The following FAM47E variants were observed in gnomAD, a reference collection of about 807,000 sequenced individuals.
The protein encoded by FAM47E is family with sequence similarity 47 member E, also known as protein FAM47E.
In FAM47E, 32 loss-of-function variants were observed where a neutral mutation model predicts 41.6. The observed-to-expected ratio is 0.77, with a 90% CI of 0.58 to 1.03. The LOEUF (loss-of-function observed/expected upper bound fraction) is 1.03, where lower values mean the gene tolerates loss of function less well. Ranked by LOEUF, FAM47E falls within the 50% of genes least tolerant of loss-of-function variation. The probability of loss-of-function intolerance (pLI) is 0.00; values close to 1 mark genes in which losing one functional copy is unlikely to be tolerated. For synonymous variants in FAM47E, 184 were observed against 188.7 expected (o/e 0.98, Z 0.20); for missense variants, 424 against 485.4 (o/e 0.87, Z 1.19).
chr4:76,263,615 A>G, intron 2 of FAM47E, 89 bp from the exon 3 acceptor site: 1 of 1,470,630 alleles, frequency 6.8e-7, no homozygotes. Flanking sequence ...AGGAAAAGTG[A>G]AGGGCAAGTT....
intron 2 of FAM47E, among the ~76,000 whole-genome samples, chr4:76,239,582 TTTG>T (rs1578760144): frequency 6.6e-6 from 1 of 152,182 alleles, no homozygotes; most frequent in East Asian, 1.9e-4. Context: ...CATGTTGTTT[TTTG>T]TTGTTGTTGA....
chr4:76,214,255 A>G, exon 1 of FAM47E: 1 of 455,520 alleles, frequency 2.2e-6, no homozygotes, highest in Non-Finnish European at 4.4e-6. Context: ...AAGTGCTTCT[A>G]CCAGGTGCCT....
upstream of FAM47E, among the ~76,000 whole-genome samples, chr4:76,250,745 A>C (rs1733939434): frequency 1.3e-5 from 2 of 152,216 alleles, no homozygotes; most frequent in Admixed American, 1.3e-4. Context: ...TGGGCTAATT[A>C]TAATGATTAC....
At chr4:76,270,318 C>T (rs1485329110) in intron 4 of FAM47E, among the ~76,000 whole-genome samples, 1 of 152,188 alleles carries the variant, frequency 6.6e-6, no homozygotes, top group Non-Finnish European at 1.5e-5. Flanking sequence ...AGGAATTACT[C>T]TCACTGGACT....
intron 2 of FAM47E, among the ~76,000 whole-genome samples, chr4:76,257,154 G>A (rs1560743043): frequency 1.3e-5 from 2 of 152,162 alleles, no homozygotes; most frequent in South Asian, 4.1e-4. Context: ...AGAGGGAAGG[G>A]ACAAAGGTTA....
intron 2 of FAM47E, among the ~76,000 whole-genome samples, chr4:76,241,364 G>T (rs1390636553): frequency 1.3e-5 from 2 of 152,158 alleles, no homozygotes; most frequent in East Asian, 3.8e-4. Flanking sequence ...CCACAATGGG[G>T]GGGAAGGTGC....
At chr4:76,233,362 C>T (rs1158509249) in intron 2 of FAM47E, among the ~76,000 whole-genome samples, 2 of 152,176 alleles carry the variant, frequency 1.3e-5, no homozygotes, top group African/African-American at 2.4e-5. Context: ...TTTAGCAAAC[C>T]TTGCATCTGA....
chr4:76,256,225 A>G lies in FAM47E; in HGVS notation c.122A>G (p.His41Arg). Reference sequence around the variant, plus strand: ...GGGCTGAAGTTCCCCACCTCTCTGCACAGCCGGCAGTTGGTATTTCCAAGA... The same window carrying G: ...GGGCTGAAGTTCCCCACCTCTCTGCGCAGCCGGCAGTTGGTATTTCCAAGA... ...KNGLKFPTSLHSRQLVFPRKG... is the reference protein window; with the variant it reads ...KNGLKFPTSLRSRQLVFPRKG... Residue 41 changes from histidine to arginine, a missense_variant, in exon 2 of 8, where the codon CAC becomes CGC. By Grantham distance (29) the His-to-Arg change is conservative. Transcript: ENST00000424749. The G allele has an allele frequency of 6.4e-7, 1 of 1,551,696 alleles. No homozygotes were observed. The highest frequency in any genetic ancestry group is 8.7e-7 in the Non-Finnish European group (1 of 1,147,002).
chr4:76,218,341 C>T (rs1307723614), intron 2 of FAM47E, among the ~76,000 whole-genome samples: 1 of 152,342 alleles, frequency 6.6e-6, no homozygotes, highest in African/African-American at 2.4e-5. Context: ...CTCCCTCCTC[C>T]CCTACCCATC....
intron 7 of FAM47E, chr4:76,282,497 A>T (rs767238798): frequency 3.3e-5 from 5 of 152,250 alleles, no homozygotes; most frequent in Non-Finnish European, 5.9e-5. Flanking sequence ...ACGTCCGTTC[A>T]TAGGCTGTCT....
chr4:76,257,250 G>C (rs1206001862), intron 2 of FAM47E, among the ~76,000 whole-genome samples: 7 of 152,136 alleles, frequency 4.6e-5, no homozygotes. Flanking sequence ...ACTACTCCTA[G>C]TTGCTAGGGA....
At chr4:76,263,681 C>G in intron 2 of FAM47E, 23 bp from the exon 3 acceptor site, 1 of 1,546,292 alleles carries the variant, frequency 6.5e-7, no homozygotes, top group Non-Finnish European at 8.7e-7. Context: ...TTCTTTTCCT[C>G]TAAGACTATT....
At chr4:76,223,139 G>T (rs192441431) in intron 2 of FAM47E, among the ~76,000 whole-genome samples, 49 of 152,266 alleles carry the variant, frequency 3.2e-4, no homozygotes, top group Non-Finnish European at 4.0e-4. Flanking sequence ...GGGCATGTTT[G>T]TACACCATTC....
chr4:76,251,947 C>G (rs1260864956), intron 1 of FAM47E, 127 bp downstream of exon 1: 12 of 1,217,478 alleles, frequency 9.9e-6, no homozygotes, highest in African/African-American at 3.2e-5. Context: ...TCAATGCTTC[C>G]TGTACGTACA....
At chr4:76,274,807 G>A (rs1348570561) in intron 5 of FAM47E, among the ~76,000 whole-genome samples, 1 of 152,050 alleles carries the variant, frequency 6.6e-6, no homozygotes, top group African/African-American at 2.4e-5. Flanking sequence ...ATGCACAAAG[G>A]GTACCCTCTG....
At chr4:76,252,891 AG>A (rs1734032642) in intron 1 of FAM47E, among the ~76,000 whole-genome samples, 2 of 152,198 alleles carry the variant, frequency 1.3e-5, no homozygotes, top group East Asian at 3.8e-4. Flanking sequence ...TAATTGAACT[AG>A]AGACCTTACT....
chr4:76,271,679 G>T lies in FAM47E; in HGVS notation c.781G>T (p.Glu261Ter). ...GATGAAGCTAAATCAGGTTCCTCTG[G>T]AGCTAAAGCGTAGTGTGGGGCTCAG... ...HTMKLNQVPL[E>*]LKRSVGLSKL... is the part of the protein sequence containing the mutation. The change falls in exon 5 of 8, where the codon GAG (glutamate) becomes TAG (stop). Residue 261 changes from glutamate (E) to a stop codon, truncating the protein, a stop_gained. Coordinates refer to ENST00000424749, the MANE Select transcript of FAM47E (RefSeq NM_001136570.3). LOFTEE classifies it high-confidence loss of function. The T allele has an allele frequency of 6.4e-7, 1 of 1,552,014 alleles. No individual in the cohort carries two copies. Among genetic ancestry groups the T allele is most frequent in the East Asian group, 2.4e-5 (1 of 40,922 alleles).
At position 76,256,199 on chromosome 4, in the gene FAM47E, C is replaced by CG. The variant is rs1560742347; in HGVS notation, c.99dup (p.Leu34AlafsTer117). The stretch of plus-strand genomic sequence containing the variant: ...CCAGATGTTTCACAAAGCACAAGAA[C>CG]GGGCTGAAGTTCCCCACCTCTCTGC... On this transcript the variant is annotated frameshift_variant, in exon 2 of 8. Coordinates refer to ENST00000424749, the MANE Select transcript of FAM47E (RefSeq NM_001136570.3). LOFTEE classifies it high-confidence loss of function. The CG allele has an allele frequency of 6.4e-7, 1 of 1,551,460 alleles. No individual in the cohort carries two copies. Among genetic ancestry groups the CG allele is most frequent in the Admixed American group, 2.0e-5 (1 of 51,000 alleles).
chr4:76,262,901 A>C (rs1578785529), intron 2 of FAM47E, among the ~76,000 whole-genome samples: 3 of 152,120 alleles, frequency 2.0e-5, no homozygotes, highest in African/African-American at 7.2e-5. Context: ...ATCTAGGACT[A>C]CAGGAGGGCA....
Sources: gnomAD v4.1 joint callset for allele counts (sites outside exome capture counted in the v4.1 genomes callset) on GRCh38, gnomAD v4.1.1 for gene constraint, MANE v1.5 for transcripts, NCBI Gene and HGNC (gene_info 2026-07-23, HGNC 2026-07-21) for gene names.